Variants in CACNB2 observed in about 807,000 individuals in gnomAD.
The protein encoded by CACNB2 is calcium voltage-gated channel auxiliary subunit beta 2.
In CACNB2, 42 loss-of-function variants were observed where a neutral mutation model predicts 73.3. That is an observed-to-expected ratio of 0.57 (90% CI 0.45 to 0.74). CACNB2 has a LOEUF of 0.74. Ranked by LOEUF, CACNB2 falls within the 30% of genes least tolerant of loss-of-function variation. The pLI is 0.00. For synonymous variants in CACNB2, 348 were observed against 310.3 expected, an observed-to-expected ratio of 1.12 and a Z score of -1.28; for missense variants, 940 against 853.0, an observed-to-expected ratio of 1.10 and a Z score of -1.27.
chr10:18,395,775 C>G (rs2132484593), intron 2 of CACNB2, among the ~76,000 whole-genome samples: 1 of 152,294 alleles, frequency 6.6e-6, no homozygotes, highest in South Asian at 2.1e-4. Flanking sequence ...TATTTTGACA[C>G]TCAGCTAAAT....
At chr10:18,249,836 C>G (rs1161822644) in intron 2 of CACNB2, among the ~76,000 whole-genome samples, 1 of 152,162 alleles carries the variant, frequency 6.6e-6, no homozygotes, top group Non-Finnish European at 1.5e-5. Flanking sequence ...TGCTCCACAT[C>G]GATGTCCTAC....
chr10:18,191,975 A>G (rs2034418820), intron 2 of CACNB2, among the ~76,000 whole-genome samples: 1 of 152,042 alleles, frequency 6.6e-6, no homozygotes. Flanking sequence ...TTGCTGGGTC[A>G]AATGGTGATG....
intron 2 of CACNB2, among the ~76,000 whole-genome samples, chr10:18,237,901 C>T (rs1442816394): frequency 6.6e-6 from 1 of 152,216 alleles, no homozygotes; most frequent in Non-Finnish European, 1.5e-5. Context: ...TTTTGCTATG[C>T]TAACAAGGCT....
intron 2 of CACNB2, among the ~76,000 whole-genome samples, chr10:18,223,608 T>C (rs2035876454): frequency 6.6e-6 from 1 of 152,150 alleles, no homozygotes. Flanking sequence ...TAGGAAACAT[T>C]TTTTTCTTTA....
intron 2 of CACNB2, among the ~76,000 whole-genome samples, chr10:18,338,222 A>C (rs558355328): frequency 5.9e-5 from 9 of 152,366 alleles, no homozygotes; most frequent in African/African-American, 2.2e-4. Context: ...CGGAAAAAAG[A>C]CATAACCTGA....
intron 2 of CACNB2, among the ~76,000 whole-genome samples, chr10:18,316,293 G>T (rs1452335031): frequency 6.6e-6 from 1 of 152,078 alleles, no homozygotes; most frequent in Non-Finnish European, 1.5e-5. Context: ...TAAAACAGGA[G>T]CTGGTATAAA....
chr10:18,386,030 T>C lies in CACNB2; in HGVS notation c.214-15894T>C, dbSNP rs142987068. Among the ~76,000 whole-genome samples, 141 of 152,344 alleles carry C rather than the reference T, an allele frequency of 9.3e-4. 1 individual carries two copies. Among genetic ancestry groups the C allele is most frequent in the African/African-American group, 3.3e-3 (138 of 41,582 alleles). Reference sequence around the variant, plus strand: ...ATGGATCAAAGGTAGGTTTTCAGTTTTGATAAATTCTACCAAATTTTATCC... The same window carrying C: ...ATGGATCAAAGGTAGGTTTTCAGTTCTGATAAATTCTACCAAATTTTATCC... On this transcript the variant is annotated intron_variant, in intron 2 of 13. Coordinates refer to ENST00000324631, the MANE Select transcript of CACNB2 (RefSeq NM_201596.3).
chr10:18,535,448 G>C (rs1241793527), intron 11 of CACNB2, among the ~76,000 whole-genome samples: 2 of 152,058 alleles, frequency 1.3e-5, no homozygotes, highest in African/African-American at 4.8e-5. Flanking sequence ...CCAGCCATTA[G>C]AGAGATGTGT....
chr10:18,286,493 G>C (rs373398625), intron 2 of CACNB2, among the ~76,000 whole-genome samples: 1 of 127,618 alleles, frequency 7.8e-6, no homozygotes, highest in Non-Finnish European at 1.6e-5. Context: ...ACTCCGACCT[G>C]GGCAAAAGAG....
Position 18,140,805 on chromosome 10 carries a change from G to A in CACNB2, c.69G>A (p.Met23Ile). ...CGGCGGTGGCGCAGGAGATCCAGAT[G>A]GAACTGCTAGAGAACGTGGCTCCCG... Reference protein sequence around the residue: ...AAAAVAQEIQMELLENVAPAG... With the variant: ...AAAAVAQEIQIELLENVAPAG... The change falls in exon 1 of 14, where the codon ATG becomes ATA. Residue 23 changes from methionine (M) to isoleucine (I), a missense_variant. By Grantham distance (10) the Met-to-Ile change is conservative. Transcript: ENST00000324631. 1 of 1,604,262 alleles carries A rather than the reference G, an allele frequency of 6.2e-7. No homozygotes were observed. Among genetic ancestry groups the A allele is most frequent in the Non-Finnish European group, 8.5e-7 (1 of 1,176,922 alleles).
At chr10:18,224,138 T>C (rs1564357536) in intron 2 of CACNB2, 2 of 152,158 alleles carry the variant, frequency 1.3e-5, no homozygotes, top group Non-Finnish European at 2.9e-5. Flanking sequence ...TCTTTTGCAA[T>C]GTTTGCTTTT....
chr10:18,533,985 A>G, intron 10 of CACNB2, 91 bp from the exon 11 acceptor site: 6 of 1,199,722 alleles, frequency 5.0e-6, no homozygotes, highest in Non-Finnish European at 7.4e-6. Context: ...ATAATGGCTG[A>G]CCTACTCACC....
intron 2 of CACNB2, chr10:18,234,383 C>G (rs1044635162): frequency 6.6e-6 from 1 of 152,226 alleles, no homozygotes; most frequent in Non-Finnish European, 1.5e-5. Context: ...AGCAATTCCA[C>G]TTTTGGGTAT....
rs772336680 is a variant in CACNB2, at chr10:18,514,517, A to G, written c.804+148A>G. 2.5e-6 allele frequency: 4 copies of G among 1,613,896 alleles called. No individual in the cohort carries two copies. In the African/African-American group the frequency reaches 5.3e-5, roughly 22 times the overall value. ...CTTTTCCATGCTGCTGTAGCTAAGC[A>G]GAAGCAGAAATCGGTAAGTTTACAT... On this transcript the variant is annotated intron_variant, in intron 7 of 13. Coordinates refer to ENST00000324631, the MANE Select transcript of CACNB2 (RefSeq NM_201596.3).
Position 18,140,732 on chromosome 10 carries a change from C to T in CACNB2, c.-5C>T. 6.3e-7 allele frequency: 1 copy of T among 1,590,602 alleles called. No individual in the cohort carries two copies. The highest frequency in any genetic ancestry group is 1.3e-5 in the African/African-American group (1 of 74,792). ...GCTGCTTCGCTCCGAGCCGACTTTT[C>T]GCCAATGGTCCAAAGGGACATGTCC... On this transcript the variant is annotated 5_prime_UTR_variant, in exon 1 of 14. Coordinates refer to ENST00000324631, the MANE Select transcript of CACNB2 (RefSeq NM_201596.3).
intron 2 of CACNB2, among the ~76,000 whole-genome samples, chr10:18,321,690 A>T (rs1291571226): frequency 6.6e-6 from 1 of 152,052 alleles, no homozygotes; most frequent in East Asian, 1.9e-4. Context: ...CTTTTTTTTT[A>T]AAGGAGAGAA....
intron 2 of CACNB2, among the ~76,000 whole-genome samples, chr10:18,167,401 T>A (rs752869667): frequency 6.6e-6 from 1 of 152,090 alleles, no homozygotes; most frequent in Non-Finnish European, 1.5e-5. Context: ...AACCTTACCA[T>A]CATGCAATAT....
intron 2 of CACNB2, among the ~76,000 whole-genome samples, chr10:18,305,844 T>C (rs892694722): frequency 2.0e-4 from 30 of 152,114 alleles, no homozygotes; most frequent in Non-Finnish European, 5.9e-5. Context: ...AGGCTGCATA[T>C]AAAAATGATA....
chr10:18,345,518 C>T (rs993365680), intron 2 of CACNB2, among the ~76,000 whole-genome samples: 1 of 152,140 alleles, frequency 6.6e-6, no homozygotes, highest in Non-Finnish European at 1.5e-5. Flanking sequence ...TTCCCTCTCT[C>T]ACCTTGGAAC....
Sources: allele counts gnomAD v4.1 joint callset (sites outside exome capture counted in the v4.1 genomes callset), GRCh38; gene constraint gnomAD v4.1.1; transcripts MANE v1.5; gene names NCBI Gene and HGNC (gene_info 2026-07-23, HGNC 2026-07-21).